BAALC: variants seen among roughly 807,000 people sequenced by gnomAD.
The protein encoded by BAALC is BAALC binder of MAP3K1 and KLF4.
In BAALC, 9 loss-of-function variants were observed where a neutral mutation model predicts 15.5. The ratio of observed to expected loss-of-function variants is 0.58; its 90% CI spans 0.35 to 1.02. BAALC has a LOEUF of 1.02. BAALC is among the 50% of genes least tolerant of loss of function. The pLI, the probability that BAALC is intolerant of heterozygous loss-of-function variation, is 0.02. For synonymous variants in BAALC, 80 were observed against 74.6 expected, an observed-to-expected ratio of 1.07 and a Z score of -0.37; for missense variants, 201 against 192.4, an observed-to-expected ratio of 1.04 and a Z score of -0.27.
intron 1 of BAALC, among the ~76,000 whole-genome samples, chr8:103,188,211 C>T (rs1467762037): frequency 6.6e-6 from 1 of 152,168 alleles, no homozygotes; most frequent in African/African-American, 2.4e-5. Context: ...GGCCAGACCA[C>T]TGCCACAGCC....
intron 1 of BAALC, among the ~76,000 whole-genome samples, chr8:103,150,776 G>A (rs1563634320): frequency 6.6e-6 from 1 of 152,096 alleles, no homozygotes; most frequent in Non-Finnish European, 1.5e-5. Flanking sequence ...ATCCAACCCA[G>A]GGATTCTTGA....
At chr8:103,189,337 T>C (rs779895893) in intron 1 of BAALC, among the ~76,000 whole-genome samples, 1 of 152,242 alleles carries the variant, frequency 6.6e-6, no homozygotes, top group Non-Finnish European at 1.5e-5. Context: ...GTGCGAGAAT[T>C]TTCAAACATT....
At chr8:103,219,923 G>A (rs1196879707) in intron 2 of BAALC, among the ~76,000 whole-genome samples, 1 of 152,112 alleles carries the variant, frequency 6.6e-6, no homozygotes, top group Non-Finnish European at 1.5e-5. Context: ...ATATTTTGAC[G>A]TGCCTACAAC....
intron 1 of BAALC, among the ~76,000 whole-genome samples, chr8:103,178,536 C>T (rs2129965803): frequency 6.6e-6 from 1 of 152,256 alleles, no homozygotes; most frequent in South Asian, 2.1e-4. Flanking sequence ...CGATTTCTTA[C>T]AACAATCTAT....
intron 1 of BAALC, among the ~76,000 whole-genome samples, chr8:103,159,293 C>A (rs1407152026): frequency 2.0e-5 from 3 of 152,162 alleles, no homozygotes; most frequent in Non-Finnish European, 4.4e-5. Flanking sequence ...AGCTTTCTAC[C>A]TAATGCTTTT....
In BAALC at chr8:103,141,034, C is replaced by A. The variant is rs770463874; in HGVS notation, c.137C>A (p.Pro46His). 9 of 1,507,882 alleles carry A rather than the reference C, an allele frequency of 6.0e-6. No individual in the cohort carries two copies. The East Asian group carries it at 2.3e-4, about 38-fold the overall frequency. 93.4% of individuals were successfully genotyped at this position (1,507,882 alleles called of 1,614,324 possible). ...PPSAAAPDSG[P>H]EAGGLHSGML... The stretch of plus-strand genomic sequence containing the variant: ...AGCGCCGCCGCCCCGGACAGCGGCC[C>A]CGAAGCGGGCGGCCTGCACTCGGGT... The change falls in exon 1 of 3, where the codon CCC becomes CAC. Residue 46 changes from proline (P) to histidine (H), a missense_variant. Physicochemically the swap from Pro to His is moderately conservative, Grantham distance 77 (BLOSUM62 -2). Coordinates refer to ENST00000309982, the MANE Select transcript of BAALC (RefSeq NM_024812.3).
chr8:103,207,234 T>C lies in BAALC; in HGVS notation c.161-5685T>C, dbSNP rs922565861. Among the ~76,000 whole-genome samples, 6 of 152,298 alleles carry C rather than the reference T, an allele frequency of 3.9e-5. No homozygotes were observed. The East Asian group carries it at 1.2e-3, about 29-fold the overall frequency. ...TAGTTCTTAGCTGTGATTAATTCTGTAATGAAAGACAGATTAATAAGATAA... is the reference window on the plus strand; with the variant it reads ...TAGTTCTTAGCTGTGATTAATTCTGCAATGAAAGACAGATTAATAAGATAA... On this transcript the variant is annotated intron_variant, in intron 1 of 2. Transcript: ENST00000309982.
At chr8:103,183,974 G>A (rs1348248672) in intron 1 of BAALC, among the ~76,000 whole-genome samples, 1 of 152,204 alleles carries the variant, frequency 6.6e-6, no homozygotes, top group African/African-American at 2.4e-5. Flanking sequence ...AGCCTGATAT[G>A]TTGTCATCAG....
At chr8:103,171,737 C>T (rs1811499095) in intron 1 of BAALC, among the ~76,000 whole-genome samples, 1 of 152,168 alleles carries the variant, frequency 6.6e-6, no homozygotes, top group Admixed American at 6.5e-5. Flanking sequence ...CAGGAAAGAC[C>T]TCACTAGCAG....
chr8:103,185,267 C>G (rs1350138900), intron 1 of BAALC, among the ~76,000 whole-genome samples: 4 of 152,056 alleles, frequency 2.6e-5, no homozygotes, highest in Non-Finnish European at 5.9e-5. Flanking sequence ...CTCCCGACTC[C>G]CATCACGGCC....
rs990511420 is a variant in BAALC, at chr8:103,198,127, T to C, written c.161-14792T>C. The C allele has an allele frequency of 6.0e-5, 42 of 702,284 alleles. No individual in the cohort carries two copies. In the Admixed American group the frequency reaches 8.0e-4, roughly 13 times the overall value. 43.5% of individuals were successfully genotyped at this position (702,284 alleles called of 1,614,324 possible). The stretch of plus-strand genomic sequence containing the variant: ...GCCTTGAGGAACATTACCATCTGAC[T>C]GCCCTACAGAAAGTTGGGCATCCCA... On this transcript the variant is annotated intron_variant, in intron 1 of 2. Coordinates refer to ENST00000309982, the MANE Select transcript of BAALC (RefSeq NM_024812.3).
intron 1 of BAALC, chr8:103,141,444 T>G: frequency 5.2e-6 from 1 of 192,754 alleles, no homozygotes. Context: ...TGCCATCCCC[T>G]GGCCACCTGC....
chr8:103,202,589 G>A (rs1812241743), intron 1 of BAALC, among the ~76,000 whole-genome samples: 1 of 152,224 alleles, frequency 6.6e-6, no homozygotes, highest in Non-Finnish European at 1.5e-5. Flanking sequence ...GATTCAAGGA[G>A]ACACAAAGAG....
At chr8:103,164,537 C>T (rs1443541206) in intron 1 of BAALC, among the ~76,000 whole-genome samples, 1 of 152,196 alleles carries the variant, frequency 6.6e-6, no homozygotes, top group Non-Finnish European at 1.5e-5. Flanking sequence ...CCACTATTTC[C>T]TACTAGACAA....
chr8:103,179,079 C>T (rs1811671096), intron 1 of BAALC, among the ~76,000 whole-genome samples: 1 of 152,150 alleles, frequency 6.6e-6, no homozygotes, highest in Non-Finnish European at 1.5e-5. Flanking sequence ...TCTTCTCTAT[C>T]AGACAGAAAA....
intron 1 of BAALC, among the ~76,000 whole-genome samples, chr8:103,159,521 G>GT (rs1218169363): frequency 6.6e-6 from 1 of 152,000 alleles, no homozygotes; most frequent in African/African-American, 2.4e-5. Context: ...TCCTCCAAAG[G>GT]TGGCCCAAGG....
intron 2 of BAALC, among the ~76,000 whole-genome samples, chr8:103,223,072 G>C (rs192484141): frequency 1.3e-3 from 202 of 152,258 alleles, no homozygotes; most frequent in African/African-American, 4.7e-3. Flanking sequence ...CAGCACTTTG[G>C]GAGGCTGATG....
At chr8:103,142,839 A>G (rs978812231) in intron 1 of BAALC, among the ~76,000 whole-genome samples, 11 of 152,234 alleles carry the variant, frequency 7.2e-5, no homozygotes, top group African/African-American at 2.4e-4. Context: ...CCATCATGAG[A>G]TCTGGTCACT....
intron 2 of BAALC, among the ~76,000 whole-genome samples, chr8:103,223,178 C>T (rs1011604164): frequency 2.0e-5 from 3 of 152,050 alleles, no homozygotes; most frequent in African/African-American, 4.8e-5. Context: ...AGGTGTGGTG[C>T]ACGCCTGTAG....
Sources: allele counts gnomAD v4.1 joint callset (sites outside exome capture counted in the v4.1 genomes callset), GRCh38; gene constraint gnomAD v4.1.1; transcripts MANE v1.5; gene names NCBI Gene and HGNC (gene_info 2026-07-23, HGNC 2026-07-21).